Variants in KIAA1671 observed in about 807,000 individuals in gnomAD.
KIAA1671 encodes the protein KIAA1671.
In KIAA1671, 52 loss-of-function variants were observed where a neutral mutation model predicts 131.2. That is an observed-to-expected ratio of 0.40 (90% CI 0.32 to 0.50). The LOEUF (loss-of-function observed/expected upper bound fraction) is 0.50, where lower values mean the gene tolerates loss of function less well. Among genes scored for constraint, KIAA1671 ranks in the 20% least tolerant of loss-of-function variants. The probability of loss-of-function intolerance (pLI) is 0.73; values close to 1 mark genes in which losing one functional copy is unlikely to be tolerated. For missense variants in KIAA1671, 2,360 were observed against 2,364.2 expected (o/e 1.00, Z 0.04); for synonymous variants, 1,003 against 961.6 (o/e 1.04, Z -0.80).
At chr22:25,044,514 G>T (rs919966409) in intron 5 of KIAA1671, among the ~76,000 whole-genome samples, 1 of 152,142 alleles carries the variant, frequency 6.6e-6, no homozygotes, top group African/African-American at 2.4e-5. Flanking sequence ...CCTGGAGCAC[G>T]CAGGCCCCAG....
intron 6 of KIAA1671, among the ~76,000 whole-genome samples, chr22:25,141,271 C>T (rs1445811188): frequency 3.3e-5 from 5 of 151,948 alleles, no homozygotes; most frequent in East Asian, 1.9e-4. Context: ...CTCACTCTGT[C>T]GCCCAGGCTG....
At position 25,028,829 on chromosome 22, in the gene KIAA1671, T is replaced by C; in HGVS notation, c.830T>C (p.Val277Ala). 4.5e-6 allele frequency: 7 copies of C among 1,550,384 alleles called. No individual in the cohort carries two copies. Among genetic ancestry groups the C allele is most frequent in the Middle Eastern group, 1.7e-4 (1 of 5,990 alleles). The change falls in exon 3 of 13, where the codon GTG becomes GCG. Residue 277 changes from valine to alanine, a missense_variant. Physicochemically the swap from Val to Ala is moderately conservative, Grantham distance 64. Coordinates refer to ENST00000358431, the MANE Select transcript of KIAA1671 (RefSeq NM_001145206.2). Reference sequence around the variant, plus strand: ...CCCACCCCTCCCGAGAAGACGTGGGTGAGGAAGCCCAGGCCCTTGTCCATG... The same window carrying C: ...CCCACCCCTCCCGAGAAGACGTGGGCGAGGAAGCCCAGGCCCTTGTCCATG... ...VPPTPPEKTW[V>A]RKPRPLSMDL...
chr22:25,094,812 C>A (rs932799366), intron 6 of KIAA1671, among the ~76,000 whole-genome samples: 3 of 152,130 alleles, frequency 2.0e-5, no homozygotes, highest in African/African-American at 7.2e-5. Context: ...ATGAGCACAG[C>A]CTGTGTCCTG....
At chr22:25,018,392 T>C (rs1258115654) in intron 1 of KIAA1671, among the ~76,000 whole-genome samples, 3 of 152,160 alleles carry the variant, frequency 2.0e-5, no homozygotes, top group Non-Finnish European at 4.4e-5. Context: ...CTTTTTTTTT[T>C]TAATTGCAGT....
chr22:25,105,507 G>A (rs547959955), intron 6 of KIAA1671, among the ~76,000 whole-genome samples: 13 of 152,294 alleles, frequency 8.5e-5, no homozygotes, highest in South Asian at 2.1e-4. Flanking sequence ...CATCCCAAGA[G>A]TTTCCTGGAG....
intron 6 of KIAA1671, among the ~76,000 whole-genome samples, chr22:25,159,444 T>A (rs184337257): frequency 1.5e-3 from 230 of 152,212 alleles, no homozygotes; most frequent in African/African-American, 5.4e-3. Flanking sequence ...TACTGGGGGA[T>A]CTGATTTAGG....
At chr22:25,047,534 G>A (rs1602097266) in intron 5 of KIAA1671, among the ~76,000 whole-genome samples, 1 of 145,076 alleles carries the variant, frequency 6.9e-6, no homozygotes, top group South Asian at 2.2e-4. Flanking sequence ...GTGCAGTGGT[G>A]TGATGTCGGC....
Position 25,039,469 on chromosome 22 carries a change from C to T in KIAA1671, c.2339C>T (p.Ala780Val). ...CAGCTGTCCCAGGAGGTCACCCCTG[C>T]TGACCTGGAGTGTGGTTTGGAAGGT... ...DRQLSQEVTP[A>V]DLECGLEGQA... Residue 780 changes from alanine (A) to valine (V), a missense_variant, in exon 5 of 13, where the codon GCT (alanine) becomes GTT (valine). Physicochemically the swap from Ala to Val is moderately conservative, Grantham distance 64 (BLOSUM62 0). Transcript: ENST00000358431. 1 of 1,551,832 alleles carries T rather than the reference C, an allele frequency of 6.4e-7. No individual in the cohort carries two copies. The highest frequency in any genetic ancestry group is 1.2e-5 in the South Asian group (1 of 84,064).
Position 25,157,884 on chromosome 22 carries a change from C to T in KIAA1671, c.4531-12936C>T, listed in dbSNP as rs1254511487. On this transcript the variant is annotated intron_variant, in intron 6 of 12. Transcript: ENST00000358431. ...TTGCCCAGGCTGGAGTGCAGTGGCA[C>T]GATCTCAGCTTACTGCAACCTCCAC... is the stretch of plus-strand genomic sequence containing the variant. Among the ~76,000 whole-genome samples, 5 of 151,856 alleles carry T rather than the reference C, an allele frequency of 3.3e-5. No homozygotes were observed. The South Asian group carries it at 8.3e-4, about 25-fold the overall frequency.
intron 1 of KIAA1671, among the ~76,000 whole-genome samples, chr22:24,967,754 AG>A (rs2052529038): frequency 6.6e-6 from 1 of 152,208 alleles, no homozygotes; most frequent in Admixed American, 6.5e-5. Context: ...GCACTCTGGG[AG>A]GCCAAGGTGG....
intron 6 of KIAA1671, among the ~76,000 whole-genome samples, chr22:25,150,423 G>T (rs1173185956): frequency 6.6e-6 from 1 of 152,188 alleles, no homozygotes; most frequent in Non-Finnish European, 1.5e-5. Flanking sequence ...CGCAGGCTCT[G>T]TCGGCCCTCT....
At chr22:25,037,013 G>A (rs1602087153) in intron 4 of KIAA1671, among the ~76,000 whole-genome samples, 1 of 152,136 alleles carries the variant, frequency 6.6e-6, no homozygotes, top group Non-Finnish European at 1.5e-5. Flanking sequence ...TATTGTTTAT[G>A]TAAAATTTAC....
chr22:25,129,670 T>G (rs982530049), intron 6 of KIAA1671, among the ~76,000 whole-genome samples: 1 of 151,374 alleles, frequency 6.6e-6, no homozygotes, highest in Non-Finnish European at 1.5e-5. Context: ...TTTTTTTTTT[T>G]TTTTTGAGAC....
chr22:25,103,198 C>T (rs5760853), intron 6 of KIAA1671, among the ~76,000 whole-genome samples: 54,823 of 148,010 alleles, frequency 0.37, 10,317 homozygotes, highest in Middle Eastern at 0.45. Flanking sequence ...TTGGGCAAGT[C>T]CCCCCCCAAC....
chr22:25,154,615 C>A (rs1297559938), intron 6 of KIAA1671, among the ~76,000 whole-genome samples: 1 of 152,218 alleles, frequency 6.6e-6, no homozygotes, highest in Non-Finnish European at 1.5e-5. Context: ...CAGAAGGAAA[C>A]AGAGCCCTTG....
intron 1 of KIAA1671, among the ~76,000 whole-genome samples, chr22:24,965,040 A>G (rs1922221924): frequency 6.6e-6 from 1 of 151,480 alleles, no homozygotes; most frequent in Non-Finnish European, 1.5e-5. Context: ...TTCTTCCATG[A>G]GGTCATTGTA....
intron 6 of KIAA1671, among the ~76,000 whole-genome samples, chr22:25,166,370 A>T (rs1178832860): frequency 2.0e-5 from 3 of 152,154 alleles, no homozygotes; most frequent in Non-Finnish European, 4.4e-5. Flanking sequence ...AGATGGTTGT[A>T]TAAAGGGAAG....
intron 6 of KIAA1671, among the ~76,000 whole-genome samples, chr22:25,099,537 G>GTTTTTTTTT (rs1223034273): frequency 8.9e-6 from 1 of 112,112 alleles, no homozygotes; most frequent in Non-Finnish European, 1.7e-5. Context: ...CAAAATGTGG[G>GTTTTTTTTT]TTTTTTTGTT....
chr22:25,099,579 G>A (rs1194322186), intron 6 of KIAA1671, among the ~76,000 whole-genome samples: 1 of 121,408 alleles, frequency 8.2e-6, no homozygotes, highest in Non-Finnish European at 1.6e-5. Context: ...TTTTTAGATA[G>A]AGTCTCGCTC....
Sources: allele counts gnomAD v4.1 joint callset (sites outside exome capture counted in the v4.1 genomes callset), GRCh38; gene constraint gnomAD v4.1.1; transcripts MANE v1.5; gene names NCBI Gene and HGNC (gene_info 2026-07-23, HGNC 2026-07-21).